KATNAL1: variants seen among roughly 807,000 people sequenced by gnomAD.
KATNAL1 encodes katanin catalytic subunit A1 like 1.
KATNAL1 carries 32 observed loss-of-function variants against 55.2 expected under a neutral mutation model. The ratio of observed to expected loss-of-function variants is 0.58; its 90% CI spans 0.44 to 0.78. The LOEUF is 0.78. Ranked by LOEUF, KATNAL1 falls within the 30% of genes least tolerant of loss-of-function variation. KATNAL1 has a pLI of 0.00. For synonymous variants in KATNAL1, 193 were observed against 193.6 expected (o/e 1.00, Z 0.02); for missense variants, 466 against 600.9 (o/e 0.78, Z 2.35).
chr13:30,305,682 C>A (rs949911754), intron 1 of KATNAL1, among the ~76,000 whole-genome samples: 3 of 152,240 alleles, frequency 2.0e-5, no homozygotes, highest in African/African-American at 7.2e-5. Context: ...CAGCACCTGA[C>A]ATATTCAATA....
At chr13:30,288,686 C>T (rs1881950120) in intron 1 of KATNAL1, among the ~76,000 whole-genome samples, 1 of 152,204 alleles carries the variant, frequency 6.6e-6, no homozygotes, top group African/African-American at 2.4e-5. Flanking sequence ...GTTCAATATT[C>T]AGATTGACAG....
At chr13:30,231,637 G>GA (rs1309621720) in intron 6 of KATNAL1, among the ~76,000 whole-genome samples, 165 bp from the exon 7 acceptor site, 3 of 151,968 alleles carry the variant, frequency 2.0e-5, no homozygotes, top group Non-Finnish European at 4.4e-5. Context: ...TTTATAGCTA[G>GA]AAAAAATGAA....
intron 8 of KATNAL1, among the ~76,000 whole-genome samples, chr13:30,228,062 G>A (rs1032612645): frequency 6.6e-6 from 1 of 152,092 alleles, no homozygotes. Context: ...ACTTTTAAGT[G>A]ACCTGTAAAA....
intron 3 of KATNAL1, among the ~76,000 whole-genome samples, chr13:30,265,882 C>A (rs1012903589): frequency 6.6e-5 from 10 of 151,260 alleles, no homozygotes; most frequent in African/African-American, 2.4e-4. Flanking sequence ...CATGGTGGCA[C>A]GTGCCTATAA....
rs1872907123 is a variant in KATNAL1 at position 30,204,181 on chromosome 13, T to G, written c.*4359A>C. On this transcript the variant is annotated 3_prime_UTR_variant, in exon 11 of 11. Transcript: ENST00000380615. Reference sequence around the variant, plus strand: ...GGAAAAAAAGATACAAAAAAGAGAATAGTTAGGATTTTTTCCTCATACAAG... The same window carrying G: ...GGAAAAAAAGATACAAAAAAGAGAAGAGTTAGGATTTTTTCCTCATACAAG... 6.6e-6 allele frequency: 1 copy of G among 152,090 alleles called. No individual in the cohort carries two copies. Among genetic ancestry groups the G allele is most frequent in the Non-Finnish European group, 1.5e-5 (1 of 68,034 alleles). The allele number at this position is 152,090 out of a possible 1,614,324, so 9.4% of individuals were successfully genotyped here. A position where few individuals can be genotyped will look rare whatever the true frequency, so the allele number is the denominator to read the frequency against.
chr13:30,274,907 GCACACA>G (rs368435407), intron 3 of KATNAL1, among the ~76,000 whole-genome samples: 1,743 of 105,332 alleles, frequency 0.017, 23 homozygotes, highest in Middle Eastern at 0.044. Context: ...GCGCGCGCGC[GCACACA>G]CACACACACA....
chr13:30,274,050 G>C (rs1053385048), intron 3 of KATNAL1, among the ~76,000 whole-genome samples: 19 of 152,134 alleles, frequency 1.2e-4, no homozygotes, highest in African/African-American at 3.9e-4. Context: ...CACAATACTA[G>C]GCATCCAGAG....
intron 8 of KATNAL1, among the ~76,000 whole-genome samples, chr13:30,228,298 T>C (rs1291380320): frequency 6.6e-6 from 1 of 152,220 alleles, no homozygotes; most frequent in Non-Finnish European, 1.5e-5. Flanking sequence ...AAAGTGCTAG[T>C]GGACTTAAAG....
At chr13:30,256,268 A>G (rs9550541) in intron 3 of KATNAL1, among the ~76,000 whole-genome samples, 22,764 of 152,060 alleles carry the variant, frequency 0.15, 2,231 homozygotes, top group East Asian at 0.33. Flanking sequence ...ATAAATACAT[A>G]TAAGTATGCA....
intron 1 of KATNAL1, among the ~76,000 whole-genome samples, chr13:30,304,551 A>G (rs1488316357): frequency 2.6e-5 from 4 of 152,148 alleles, no homozygotes; most frequent in Non-Finnish European, 5.9e-5. Context: ...TACAGGCGCG[A>G]GCCACTGCGC....
At chr13:30,284,351 T>C (rs960768596) in intron 1 of KATNAL1, among the ~76,000 whole-genome samples, 3 of 152,328 alleles carry the variant, frequency 2.0e-5, no homozygotes, top group South Asian at 4.1e-4. Flanking sequence ...AACCGGACAC[T>C]AGTTTTCCTT....
intron 4 of KATNAL1, among the ~76,000 whole-genome samples, chr13:30,254,504 A>G (rs1878618119): frequency 6.6e-6 from 1 of 152,204 alleles, no homozygotes; most frequent in African/African-American, 2.4e-5. Flanking sequence ...ATTTTATTCT[A>G]TCTTGGTCTA....
Position 30,208,395 on chromosome 13 carries a change from G to T in KATNAL1, c.*145C>A. 1 of 630,044 alleles carries T rather than the reference G, an allele frequency of 1.6e-6. No individual in the cohort carries two copies. The highest frequency in any genetic ancestry group is 2.7e-6 in the Non-Finnish European group (1 of 376,062). The allele number at this position is 630,044 out of a possible 1,614,324, so 39.0% of individuals were successfully genotyped here. A position where few individuals can be genotyped will look rare whatever the true frequency, so the allele number is the denominator to read the frequency against. ...ATCAATTATTTCTCAACTACATTTA[G>T]TATTCTTCGCAGTTTTAGATTTTTT... On this transcript the variant is annotated 3_prime_UTR_variant, in exon 11 of 11. Transcript: ENST00000380615.
intron 2 of KATNAL1, among the ~76,000 whole-genome samples, chr13:30,282,467 G>C (rs1353536203): frequency 3.3e-5 from 5 of 151,984 alleles, no homozygotes; most frequent in Non-Finnish European, 5.9e-5. Context: ...GCAAGACTCA[G>C]TCCTTACAAA....
At chr13:30,217,912 T>A (rs892672758) in intron 9 of KATNAL1, among the ~76,000 whole-genome samples, 7 of 152,044 alleles carry the variant, frequency 4.6e-5, no homozygotes, top group Non-Finnish European at 1.0e-4. Context: ...CTGAGGGACA[T>A]CTGGGAAATC....
chr13:30,233,582 C>A (rs147612903), intron 6 of KATNAL1, among the ~76,000 whole-genome samples: 3 of 150,528 alleles, frequency 2.0e-5, no homozygotes, highest in Non-Finnish European at 4.4e-5. Context: ...AGCAATTCCA[C>A]TACCGGGAAT....
At chr13:30,251,864 T>A (rs115364508) in intron 4 of KATNAL1, among the ~76,000 whole-genome samples, 1 of 152,168 alleles carries the variant, frequency 6.6e-6, no homozygotes, top group East Asian at 1.9e-4. Flanking sequence ...GATGACCCTG[T>A]AGACCTCAGG....
At chr13:30,255,191 A>AT (rs1488217640) in intron 4 of KATNAL1, among the ~76,000 whole-genome samples, 9 of 152,212 alleles carry the variant, frequency 5.9e-5, no homozygotes, top group African/African-American at 1.4e-4. Flanking sequence ...TTAAAGCCGT[A>AT]TTTTTTCTTA....
At chr13:30,252,839 C>T (rs1010449055) in intron 4 of KATNAL1, among the ~76,000 whole-genome samples, 4 of 152,042 alleles carry the variant, frequency 2.6e-5, no homozygotes, top group African/African-American at 9.7e-5. Context: ...GCCTCCCTCC[C>T]AGGTTCAAGC....
Sources: allele counts gnomAD v4.1 joint callset (sites outside exome capture counted in the v4.1 genomes callset), GRCh38; gene constraint gnomAD v4.1.1; transcripts MANE v1.5; gene names NCBI Gene and HGNC (gene_info 2026-07-23, HGNC 2026-07-21).